ABCA13: variants seen among roughly 807,000 people sequenced by gnomAD.
ABCA13 encodes ATP-binding cassette sub-family A member 13.
Under a neutral mutation model 478.7 loss-of-function variants are expected in ABCA13, and 476 were observed. That is an observed-to-expected ratio of 0.99 (90% confidence interval 0.92 to 1.07). The LOEUF (loss-of-function observed/expected upper bound fraction) is 1.07. ABCA13 is among the 50% of genes least tolerant of loss of function. The probability of loss-of-function intolerance (pLI) is 0.00; values close to 1 mark genes in which losing one functional copy is unlikely to be tolerated. For missense variants in ABCA13, 6,060 were observed against 5,910.6 expected (o/e 1.03, Z -0.83); for synonymous variants, 2,252 against 2,158.9 (o/e 1.04, Z -1.20).
chr7:48,410,093 CAA>C (rs58724216), intron 39 of ABCA13, among the ~76,000 whole-genome samples: 16 of 67,174 alleles, frequency 2.4e-4, no homozygotes, highest in South Asian at 1.2e-3. Flanking sequence ...GACTCCATCT[CAA>C]AAAAAAAAAA....
At chr7:48,392,678 TG>T (rs1816242986) in intron 38 of ABCA13, among the ~76,000 whole-genome samples, 1 of 152,158 alleles carries the variant, frequency 6.6e-6, no homozygotes, top group Non-Finnish European at 1.5e-5. Flanking sequence ...GCCTGAGATC[TG>T]GAAGATCTCT....
intron 1 of ABCA13, among the ~76,000 whole-genome samples, chr7:48,184,954 G>A (rs571213220): frequency 7.2e-4 from 109 of 152,274 alleles, no homozygotes; most frequent in African/African-American, 2.5e-3. Context: ...TCCTGCCTCA[G>A]CCCCCCAAGT....
chr7:48,344,829 G>A (rs1402672362), intron 29 of ABCA13, among the ~76,000 whole-genome samples: 1 of 152,136 alleles, frequency 6.6e-6, no homozygotes, highest in Non-Finnish European at 1.5e-5. Flanking sequence ...CAAAGTGATG[G>A]AACATGCAGT....
intron 31 of ABCA13, among the ~76,000 whole-genome samples, chr7:48,367,137 A>G (rs957112892): frequency 6.6e-6 from 1 of 152,156 alleles, no homozygotes; most frequent in African/African-American, 2.4e-5. Flanking sequence ...AGTTGCCAAG[A>G]TGTGGGTGCA....
intron 48 of ABCA13, among the ~76,000 whole-genome samples, chr7:48,497,399 A>G (rs1248876667): frequency 6.6e-6 from 1 of 152,216 alleles, no homozygotes; most frequent in African/African-American, 2.4e-5. Context: ...TAATTTCAAC[A>G]TTCAGTTCAT....
intron 42 of ABCA13, among the ~76,000 whole-genome samples, chr7:48,449,848 T>C (rs1322562166): frequency 6.6e-6 from 1 of 152,210 alleles, no homozygotes; most frequent in East Asian, 1.9e-4. Context: ...CCATAATCCA[T>C]GTCTTTGCAT....
intron 53 of ABCA13, among the ~76,000 whole-genome samples, chr7:48,521,499 G>A (rs4917161): frequency 0.075 from 11,476 of 152,034 alleles, 586 homozygotes; most frequent in East Asian, 0.16. Flanking sequence ...TTTTGAATTG[G>A]CCACATCACC....
intron 55 of ABCA13, among the ~76,000 whole-genome samples, chr7:48,539,184 G>A (rs944592723): frequency 2.6e-5 from 4 of 151,896 alleles, no homozygotes; most frequent in African/African-American, 4.8e-5. Flanking sequence ...GTTTGAGACC[G>A]GTCTGGGAAA....
chr7:48,190,445 G>A (rs986474736), intron 1 of ABCA13, among the ~76,000 whole-genome samples: 1 of 152,080 alleles, frequency 6.6e-6, no homozygotes, highest in Non-Finnish European at 1.5e-5. Context: ...GACTTTGATG[G>A]CCTTTACCTT....
intron 19 of ABCA13, among the ~76,000 whole-genome samples, chr7:48,282,086 A>G (rs1194796811): frequency 2.6e-5 from 4 of 152,200 alleles, no homozygotes; most frequent in African/African-American, 4.8e-5. Context: ...CTGTGTCTCC[A>G]TAATACTCAG....
rs141118156 is a variant in ABCA13, at chr7:48,410,615, G to C, written c.12166G>C (p.Gly4056Arg). The C allele has an allele frequency of 6.2e-7, 1 of 1,614,032 alleles. No individual in the cohort carries two copies. The highest frequency in any genetic ancestry group is 1.1e-5 in the South Asian group (1 of 91,090). ...CCAGCATGGGAGGCTCAGGTGCTGC[G>C]GTCCTCCCTTCTGCCTGAAGGAGGC... Reference protein sequence around the residue: ...VLQHGRLRCCGPPFCLKEAYG... With the variant: ...VLQHGRLRCCRPPFCLKEAYG... Residue 4056 changes from glycine to arginine, a missense_variant, in exon 40 of 62, where the codon GGT becomes CGT. Gly to Arg is a moderately radical substitution (Grantham distance 125). Transcript: ENST00000435803.
chr7:48,296,710 C>T (rs1428307242), intron 21 of ABCA13, among the ~76,000 whole-genome samples: 1 of 152,140 alleles, frequency 6.6e-6, no homozygotes, highest in Non-Finnish European at 1.5e-5. Flanking sequence ...GATCCGCCCC[C>T]TTCGGCCTCC....
At chr7:48,627,326 G>T (rs1460943079) in intron 59 of ABCA13, among the ~76,000 whole-genome samples, 1 of 152,078 alleles carries the variant, frequency 6.6e-6, no homozygotes, top group African/African-American at 2.4e-5. Context: ...AAAGAACAAA[G>T]CTTTGCTTCA....
At chr7:48,514,014 A>T (rs1011210009) in intron 51 of ABCA13, among the ~76,000 whole-genome samples, 1 of 152,198 alleles carries the variant, frequency 6.6e-6, no homozygotes, top group African/African-American at 2.4e-5. Context: ...AAATGACATA[A>T]CCCAACATGG....
At chr7:48,629,846 TA>T (rs1467284038) in intron 59 of ABCA13, among the ~76,000 whole-genome samples, 1 of 151,818 alleles carries the variant, frequency 6.6e-6, no homozygotes, top group Non-Finnish European at 1.5e-5. Flanking sequence ...TAGCCCAAAG[TA>T]AAAGGGTAGG....
At chr7:48,308,297 A>G (rs1056390423) in intron 23 of ABCA13, among the ~76,000 whole-genome samples, 8 of 152,172 alleles carry the variant, frequency 5.3e-5, no homozygotes, top group Non-Finnish European at 1.2e-4. Context: ...TGTGATAACA[A>G]TGCCTTCTTC....
intron 35 of ABCA13, among the ~76,000 whole-genome samples, chr7:48,385,278 T>C (rs1331736958): frequency 2.0e-5 from 3 of 152,178 alleles, no homozygotes; most frequent in African/African-American, 7.2e-5. Flanking sequence ...TTTTTTCTGA[T>C]CCTCTCCCTT....
intron 23 of ABCA13, among the ~76,000 whole-genome samples, chr7:48,303,686 A>G (rs530886464): frequency 3.9e-5 from 6 of 152,146 alleles, no homozygotes; most frequent in Non-Finnish European, 8.8e-5. Context: ...TATTAGTTCC[A>G]TAGGTCTATG....
At chr7:48,538,339 G>A (rs1360172580) in intron 55 of ABCA13, among the ~76,000 whole-genome samples, 2 of 151,998 alleles carry the variant, frequency 1.3e-5, no homozygotes, top group Admixed American at 1.3e-4. Context: ...GACCTCAGGT[G>A]ATCCACCCAC....
Sources: allele counts gnomAD v4.1 joint callset (sites outside exome capture counted in the v4.1 genomes callset), GRCh38; gene constraint gnomAD v4.1.1; transcripts MANE v1.5; gene names NCBI Gene and HGNC (gene_info 2026-07-23, HGNC 2026-07-21).